Variants in CDKN2B-AS1 observed in about 807,000 individuals in gnomAD.
The protein encoded by CDKN2B-AS1 is CDKN2B and CDKN2A antisense cis and trans regulatory RNA 1.
chr9:22,020,250 C>T (rs1050555292), intron 1 of CDKN2B-AS1, among the ~76,000 whole-genome samples: 8 of 152,060 alleles, frequency 5.3e-5, no homozygotes, highest in African/African-American at 1.9e-4. Context: ...GTATATGTAC[C>T]ACATTTTCTT....
At position 22,031,545 on chromosome 9, in the gene CDKN2B-AS1, C is replaced by A. The variant is rs558867921; in HGVS notation, n.30-15206C>A. ...CTCTTACTGTAATTGATACCAAATT[C>A]TTTAAGGAAACTTAGAGCTAAAAGT... On this transcript the variant is annotated intron_variant and non_coding_transcript_variant, in intron 1 of 4. Transcript: ENST00000650946. Among the ~76,000 whole-genome samples the A allele has an allele frequency of 1.6e-3, 242 of 152,144 alleles. 1 individual carries two copies. The highest frequency in any genetic ancestry group is 5.2e-3 in the African/African-American group (217 of 41,508).
chr9:22,055,853 G>T (rs1587466554), intron 3 of CDKN2B-AS1, among the ~76,000 whole-genome samples: 1 of 152,014 alleles, frequency 6.6e-6, no homozygotes, highest in Non-Finnish European at 1.5e-5. Context: ...GAGGTTTGGG[G>T]GGCCTATATT....
At chr9:22,098,536 C>T (rs993421381) in intron 4 of CDKN2B-AS1, among the ~76,000 whole-genome samples, 4 of 151,986 alleles carry the variant, frequency 2.6e-5, no homozygotes, top group South Asian at 2.1e-4. Flanking sequence ...ATGTCAGTAG[C>T]ATGTTTGCTT....
chr9:22,085,127 CA>C (rs909920544), intron 4 of CDKN2B-AS1, among the ~76,000 whole-genome samples: 7 of 152,204 alleles, frequency 4.6e-5, no homozygotes, highest in East Asian at 1.9e-4. Context: ...AAATGCATGA[CA>C]AAAAGAACTT....
intron 2 of CDKN2B-AS1, among the ~76,000 whole-genome samples, chr9:22,048,047 A>T (rs1463786725): frequency 1.3e-5 from 2 of 151,778 alleles, no homozygotes; most frequent in African/African-American, 4.8e-5. Context: ...CACCTGCCTC[A>T]GCCTCTCAAA....
intron 1 of CDKN2B-AS1, among the ~76,000 whole-genome samples, chr9:22,021,795 C>T (rs1822028831): frequency 6.6e-6 from 1 of 152,086 alleles, no homozygotes; most frequent in South Asian, 2.1e-4. Context: ...TTTCTCTTCC[C>T]TGATTGCCCT....
intron 1 of CDKN2B-AS1, chr9:22,029,374 C>T (rs1230120214): frequency 2.6e-6 from 2 of 773,736 alleles, no homozygotes; most frequent in Non-Finnish European, 4.8e-6. Context: ...AATGTTTAGT[C>T]TGAATCTAAT....
chr9:22,047,689 T>C (rs1276391702), intron 2 of CDKN2B-AS1, among the ~76,000 whole-genome samples: 1 of 152,296 alleles, frequency 6.6e-6, no homozygotes, highest in East Asian at 1.9e-4. Flanking sequence ...ACAAAGACTA[T>C]AGAACCAAAT....
chr9:21,994,876 T>G (rs1820572043), upstream of CDKN2B-AS1: 2 of 154,558 alleles, frequency 1.3e-5, no homozygotes, highest in Admixed American at 6.5e-5. Context: ...CGCTCCCCTA[T>G]TCCCCTTATT....
At chr9:22,096,773 A>G (rs1190196241) in intron 4 of CDKN2B-AS1, among the ~76,000 whole-genome samples, 2 of 152,018 alleles carry the variant, frequency 1.3e-5, no homozygotes, top group Admixed American at 6.6e-5. Flanking sequence ...AGACTCAGAG[A>G]TTTAGTGCCT....
chr9:22,074,052 G>A (rs1028577615), intron 4 of CDKN2B-AS1, among the ~76,000 whole-genome samples: 1 of 151,848 alleles, frequency 6.6e-6, no homozygotes. Context: ...TTGTAGAGAT[G>A]GGGTTTTGCC....
chr9:22,024,330 G>A (rs1242918796), intron 1 of CDKN2B-AS1, among the ~76,000 whole-genome samples: 1 of 152,194 alleles, frequency 6.6e-6, no homozygotes, highest in Non-Finnish European at 1.5e-5. Context: ...ACCAAGGTGT[G>A]GCAGCTCCAG....
At chr9:22,110,193 A>G (rs1326324941) in intron 4 of CDKN2B-AS1, among the ~76,000 whole-genome samples, 1 of 152,184 alleles carries the variant, frequency 6.6e-6, no homozygotes, top group Non-Finnish European at 1.5e-5. Flanking sequence ...CTAGTTGATC[A>G]TACTTTTCCT....
intron 1 of CDKN2B-AS1, among the ~76,000 whole-genome samples, chr9:22,044,532 T>TA (rs1037690724): frequency 6.6e-6 from 1 of 151,990 alleles, no homozygotes; most frequent in Non-Finnish European, 1.5e-5. Context: ...AGTGATTCTG[T>TA]AAAAAACACT....
At chr9:22,009,255 G>A in intron 1 of CDKN2B-AS1, 2 of 537,328 alleles carry the variant, frequency 3.7e-6, no homozygotes, top group Non-Finnish European at 6.7e-6. Context: ...CTGGCCGCAG[G>A]GTGCGGACGC....
At chr9:22,057,692 C>T (rs527639578) in intron 4 of CDKN2B-AS1, among the ~76,000 whole-genome samples, 15 of 151,868 alleles carry the variant, frequency 9.9e-5, no homozygotes, top group African/African-American at 3.6e-4. Context: ...CCTGGAGTCT[C>T]AGCTACTCAG....
At chr9:21,998,497 G>A (rs1230372193) in intron 1 of CDKN2B-AS1, among the ~76,000 whole-genome samples, 1 of 152,212 alleles carries the variant, frequency 6.6e-6, no homozygotes, top group East Asian at 1.9e-4. Context: ...CAAGCCTTGT[G>A]CCTTTTCTGT....
intron 1 of CDKN2B-AS1, among the ~76,000 whole-genome samples, chr9:22,033,541 T>A (rs1264779068): frequency 6.6e-6 from 1 of 152,080 alleles, no homozygotes; most frequent in Non-Finnish European, 1.5e-5. Flanking sequence ...ACCTCATAAT[T>A]AAAAACAAGG....
At chr9:22,043,125 T>C (rs1822966143) in intron 1 of CDKN2B-AS1, among the ~76,000 whole-genome samples, 1 of 152,124 alleles carries the variant, frequency 6.6e-6, no homozygotes, top group Admixed American at 6.6e-5. Context: ...TTTGTAGTTA[T>C]AATAGCCATA....
Sources: gnomAD v4.1 joint callset for allele counts (sites outside exome capture counted in the v4.1 genomes callset) on GRCh38, gnomAD v4.1.1 for gene constraint, MANE v1.5 for transcripts, NCBI Gene and HGNC (gene_info 2026-07-23, HGNC 2026-07-21) for gene names.